DST: variants seen among roughly 807,000 people sequenced by gnomAD.
The protein encoded by DST is bullous pemphigoid antigen.
A neutral mutation model predicts 875.2 loss-of-function variants in DST; 253 were observed. The observed-to-expected ratio is 0.29, with a 90% CI of 0.26 to 0.32. The LOEUF (loss-of-function observed/expected upper bound fraction) is 0.32. DST is among the 10% of genes least tolerant of loss of function. The pLI is 1.00. For synonymous variants in DST, 3,124 were observed against 3,197.1 expected (o/e 0.98, Z 0.77); for missense variants, 8,287 against 9,111.6 (o/e 0.91, Z 3.68).
At chr6:56,578,999 G>GA (rs2097916915) in intron 49 of DST, 62 bp from the exon 50 acceptor site, 4 of 1,358,248 alleles carry the variant, frequency 2.9e-6, no homozygotes, top group African/African-American at 1.5e-5. Flanking sequence ...TTCTAATGTG[G>GA]AAAAAATGAT....
rs749433892 is a variant in DST at position 56,620,406 on chromosome 6, C to G, written c.4929+4124G>C. On this transcript the variant is annotated intron_variant, in intron 36 of 103. Coordinates refer to ENST00000680361, the MANE Select transcript of DST (RefSeq NM_001374736.1). ...CTCACCCGCTCCAGTTCTCTTTCAG[C>G]GGCTTCCTTCTCTCTCACAATGGTT... The G allele has an allele frequency of 1.9e-6, 3 of 1,614,188 alleles. No individual in the cohort carries two copies. The highest frequency in any genetic ancestry group is 2.5e-6 in the Non-Finnish European group (3 of 1,180,030).
At chr6:56,568,616 T>C in intron 54 of DST, 21 bp from the exon 55 acceptor site, 1 of 1,555,816 alleles carries the variant, frequency 6.4e-7, no homozygotes, top group Non-Finnish European at 8.7e-7. Context: ...AAAAACACAT[T>C]ATTTTTCCAT....
chr6:56,871,705 A>C, intron 3 of DST: 3 of 662,922 alleles, frequency 4.5e-6, no homozygotes, highest in Non-Finnish European at 8.3e-6. Context: ...AAGATATCCC[A>C]GAAGAAACTG....
intron 36 of DST, chr6:56,618,551 C>G: frequency 6.2e-7 from 1 of 1,614,148 alleles, no homozygotes; most frequent in Non-Finnish European, 8.5e-7. Flanking sequence ...AAGTTTCTGA[C>G]ATTTTTGGTA....
intron 101 of DST, 74 bp from the exon 102 acceptor site, chr6:56,463,230 A>G (rs2094425468): frequency 1.2e-6 from 1 of 865,924 alleles, no homozygotes; most frequent in African/African-American, 1.7e-5. Context: ...AGAGATATTC[A>G]TAGCAAAGAG....
chr6:56,570,097 A>C, intron 53 of DST, 85 bp from the exon 54 acceptor site: 1 of 1,032,606 alleles, frequency 9.7e-7, no homozygotes, highest in South Asian at 1.7e-5. Context: ...AATGTTAAGA[A>C]ACCATCTTCC....
At chr6:56,636,422 ATGTG>A (rs1563358574) in intron 23 of DST, 131 bp downstream of exon 23, 119 of 687,406 alleles carry the variant, frequency 1.7e-4, no homozygotes, top group African/African-American at 1.6e-3. Flanking sequence ...ACACACATAT[ATGTG>A]TATATATATA....
intron 79 of DST, 132 bp from the exon 80 acceptor site, chr6:56,501,367 A>G: frequency 8.7e-7 from 1 of 1,144,734 alleles, no homozygotes. Context: ...CCTAATCATC[A>G]TATCCTTCTA....
At chr6:56,814,509 C>A (rs918597439) in intron 4 of DST, among the ~76,000 whole-genome samples, 2 of 152,186 alleles carry the variant, frequency 1.3e-5, no homozygotes, top group Non-Finnish European at 2.9e-5. Context: ...GATTTAACCT[C>A]CTAATAAGTC....
intron 4 of DST, among the ~76,000 whole-genome samples, chr6:56,756,356 T>C (rs1052693337): frequency 6.6e-6 from 1 of 152,070 alleles, no homozygotes; most frequent in Non-Finnish European, 1.5e-5. Flanking sequence ...CCAGAAAGAC[T>C]GCAGATGGGT....
chr6:56,534,987 TA>T, intron 63 of DST, 134 bp downstream of exon 63: 1 of 996,496 alleles, frequency 1.0e-6, no homozygotes, highest in Non-Finnish European at 1.5e-6. Context: ...GTCGAATGAC[TA>T]ACAAAATAAT....
At chr6:56,881,404 C>CA (rs908710354) in intron 3 of DST, among the ~76,000 whole-genome samples, 72 of 152,136 alleles carry the variant, frequency 4.7e-4, no homozygotes, top group African/African-American at 1.7e-3. Flanking sequence ...ACCCGGGAGA[C>CA]AGAGGTTGCA....
intron 5 of DST, among the ~76,000 whole-genome samples, chr6:56,732,008 G>A (rs963848127): frequency 1.3e-5 from 2 of 152,214 alleles, no homozygotes; most frequent in East Asian, 1.9e-4. Context: ...AATATTTTTA[G>A]AGATTGCTTT....
intron 53 of DST, among the ~76,000 whole-genome samples, chr6:56,571,075 T>C (rs906513526): frequency 5.3e-5 from 8 of 152,160 alleles, no homozygotes; most frequent in Admixed American, 2.6e-4. Context: ...CTACAGAGAC[T>C]CAGGAAACTC....
At chr6:56,817,121 AT>A (rs898281497) in intron 4 of DST, among the ~76,000 whole-genome samples, 23 of 149,738 alleles carry the variant, frequency 1.5e-4, no homozygotes, top group Admixed American at 4.7e-4. Flanking sequence ...AGTAAATTAA[AT>A]TTTTTTTTTA....
chr6:56,753,039 C>T (rs191752531), intron 4 of DST, among the ~76,000 whole-genome samples: 74 of 152,230 alleles, frequency 4.9e-4, no homozygotes, highest in Non-Finnish European at 8.5e-4. Flanking sequence ...GGTCCACCCG[C>T]CTCGGCCTCC....
Position 56,493,434 on chromosome 6 carries a change from G to A in DST, c.20395-345C>T, listed in dbSNP as rs143552681. Among the ~76,000 whole-genome samples the A allele has an allele frequency of 9.6e-3, 1,455 of 152,104 alleles. 10 individuals are homozygous for A. Among genetic ancestry groups the A allele is most frequent in the Non-Finnish European group, 0.016 (1,055 of 67,980 alleles). On this transcript the variant is annotated intron_variant, in intron 83 of 103. Coordinates refer to ENST00000680361, the MANE Select transcript of DST (RefSeq NM_001374736.1). The stretch of plus-strand genomic sequence containing the variant: ...TTAATTTGGGGACTCAAAATATTAT[G>A]AAATACATACTTTATGCTCCATCAG...
At chr6:56,569,379 A>C (rs6931573) in intron 54 of DST, among the ~76,000 whole-genome samples, 1 of 134,350 alleles carries the variant, frequency 7.4e-6, no homozygotes, top group African/African-American at 3.8e-5. Context: ...GGAATGGGGG[A>C]AAAAAAATGC....
At chr6:56,946,813 T>C (rs965311961) in intron 2 of DST, among the ~76,000 whole-genome samples, 1 of 152,164 alleles carries the variant, frequency 6.6e-6, no homozygotes, top group African/African-American at 2.4e-5. Flanking sequence ...TAGGAATAAT[T>C]ATTATAGGAG....
Sources: gnomAD v4.1 joint callset for allele counts (sites outside exome capture counted in the v4.1 genomes callset) on GRCh38, gnomAD v4.1.1 for gene constraint, MANE v1.5 for transcripts, NCBI Gene and HGNC (gene_info 2026-07-23, HGNC 2026-07-21) for gene names.